The following IL18BP variants were observed in gnomAD, a reference collection of about 807,000 sequenced individuals.
The protein encoded by IL18BP is interleukin-18-binding protein.
In IL18BP, 23 loss-of-function variants were observed where a neutral mutation model predicts 19.9. The ratio of observed to expected loss-of-function variants is 1.15; its 90% CI spans 0.83 to 1.64. IL18BP has a LOEUF of 1.64. IL18BP is among the 40% of genes most tolerant of loss of function. The probability of loss-of-function intolerance (pLI) is 0.00; values close to 1 mark genes in which losing one functional copy is unlikely to be tolerated. For synonymous variants in IL18BP, 107 were observed against 101.0 expected (o/e 1.06, Z -0.35); for missense variants, 239 against 240.7 (o/e 0.99, Z 0.05).
downstream of IL18BP, chr11:72,006,365 A>C: frequency 1.1e-6 from 1 of 942,576 alleles, no homozygotes; most frequent in African/African-American, 1.6e-5. Context: ...ACATCCATGT[A>C]TTCCCAACTG....
At chr11:72,005,509 T>C (rs1678666235), downstream of IL18BP, 5 of 745,146 alleles carry the variant, frequency 6.7e-6, no homozygotes, top group Non-Finnish European at 1.1e-5. Context: ...GTGCCGCAGG[T>C]GCAGGAGTAC....
downstream of IL18BP, chr11:72,005,274 A>G: frequency 6.2e-7 from 1 of 1,609,128 alleles, no homozygotes; most frequent in Non-Finnish European, 8.5e-7. Flanking sequence ...TGTGGGGGGC[A>G]CACTCGATTG....
At chr11:72,000,580 G>T in intron 3 of IL18BP, 23 bp downstream of exon 3, 1 of 1,597,068 alleles carries the variant, frequency 6.3e-7, no homozygotes, top group South Asian at 1.1e-5. Flanking sequence ...GTGGTGGAGG[G>T]TGGGCTATGG....
downstream of IL18BP, chr11:72,004,719 G>C (rs1265057835): frequency 6.2e-7 from 1 of 1,613,582 alleles, no homozygotes; most frequent in African/African-American, 1.3e-5. Flanking sequence ...AGTGCCCTCG[G>C]CTATCTGGAT....
At chr11:72,003,348 G>C, downstream of IL18BP, 2 of 655,414 alleles carry the variant, frequency 3.1e-6, no homozygotes, top group Non-Finnish European at 5.5e-6. Flanking sequence ...CCAGCTCCGA[G>C]AAGGCGCCAG....
At chr11:72,004,751 C>A, downstream of IL18BP, 1 of 1,610,548 alleles carries the variant, frequency 6.2e-7, no homozygotes, top group East Asian at 2.2e-5. Context: ...TGGCTCGGCG[C>A]AGGGTCTCTT....
rs1168651872 is a variant in IL18BP, at chr11:72,001,385, T to G, written c.360-20T>G. ...GCCTTCTGCGGCCTTCTCATGACCT[T>G]TCCTTCCCTTCCGCTCCAGCCGGGA... On this transcript the variant is annotated intron_variant, in intron 4 of 5. Coordinates refer to ENST00000393703, the MANE Select transcript of IL18BP (RefSeq NM_001039660.2). 1.2e-6 allele frequency: 2 copies of G among 1,614,020 alleles called. No homozygotes were observed. Among genetic ancestry groups the G allele is most frequent in the South Asian group, 1.1e-5 (1 of 91,082 alleles).
rs778697893 is a variant in IL18BP, at chr11:72,000,359, C to G, written c.37C>G (p.Pro13Ala). The G allele has an allele frequency of 5.0e-6, 8 of 1,613,734 alleles. No homozygotes were observed. In the East Asian group the frequency reaches 1.8e-4, roughly 36 times the overall value. ...MRHNWTPDLS[P>A]LWVLLLCAHV... ...AACTGTCCTTTCCTCAGACCTCAGC[C>G]CTTTGTGGGTCCTGCTCCTGTGTGC... The change falls in exon 3 of 6, where the codon CCT becomes GCT. Residue 13 changes from proline to alanine, a missense_variant. Transcript: ENST00000393703.
chr11:72,005,027 TC>T (rs1208632166), downstream of IL18BP, among the ~76,000 whole-genome samples: 1 of 152,098 alleles, frequency 6.6e-6, no homozygotes, highest in Non-Finnish European at 1.5e-5. Flanking sequence ...CTGACCAGAT[TC>T]CTCTCTGAGC....
At chr11:72,004,950 A>T, downstream of IL18BP, 1 of 922,072 alleles carries the variant, frequency 1.1e-6, no homozygotes, top group Non-Finnish European at 1.6e-6. Context: ...GTAGAAAGAC[A>T]CAAGGCCTCC....
chr11:72,006,212 G>A (rs367629814), downstream of IL18BP: 20 of 1,614,154 alleles, frequency 1.2e-5, no homozygotes, highest in Middle Eastern at 1.7e-4. Context: ...GGAGCAGACC[G>A]CGTGCTGTAG....
downstream of IL18BP, among the ~76,000 whole-genome samples, chr11:72,006,881 A>G (rs1362546488): frequency 2.0e-5 from 3 of 152,234 alleles, no homozygotes; most frequent in African/African-American, 7.2e-5. Flanking sequence ...TGCATGGGGC[A>G]TGCTGGGAGG....
downstream of IL18BP, chr11:72,005,211 G>A: frequency 1.9e-6 from 3 of 1,572,904 alleles, no homozygotes; most frequent in Admixed American, 1.9e-5. Flanking sequence ...GGGAGGCCCT[G>A]CACAGTGACC....
chr11:72,005,081 G>T, downstream of IL18BP: 2 of 951,022 alleles, frequency 2.1e-6, no homozygotes, highest in Non-Finnish European at 3.0e-6. Flanking sequence ...TGCCCTCCCA[G>T]CTGTCTGTTC....
Position 72,000,239 on chromosome 11 carries a change from C to CCG in IL18BP, c.29-110_29-109dup, listed in dbSNP as rs1955138731. Reference sequence around the variant, plus strand: ...GGTGGGTGCTGAGGGGTCCCTCTTCCCGCTCTGATTCCCTGGCTAGAACCC... The same window carrying CCG: ...GGTGGGTGCTGAGGGGTCCCTCTTCCCGCGCTCTGATTCCCTGGCTAGAACCC... On this transcript the variant is annotated intron_variant, in intron 2 of 5. Coordinates refer to ENST00000393703, the MANE Select transcript of IL18BP (RefSeq NM_001039660.2). 5.8e-6 allele frequency: 6 copies of CCG among 1,042,830 alleles called. No individual in the cohort carries two copies. The Admixed American group carries it at 1.1e-4, about 18-fold the overall frequency. The allele number at this position is 1,042,830 out of a possible 1,614,324, so 64.6% of individuals were successfully genotyped here.
At chr11:72,003,189 A>C (rs1955378757), downstream of IL18BP, 2 of 390,750 alleles carry the variant, frequency 5.1e-6, no homozygotes, top group African/African-American at 4.0e-5. Flanking sequence ...CTAGATCCAG[A>C]GGCTAAGAGG....
intron 3 of IL18BP, 30 bp downstream of exon 3, chr11:72,000,587 A>G (rs751536450): frequency 1.1e-5 from 18 of 1,588,616 alleles, no homozygotes; most frequent in Middle Eastern, 3.4e-4. Flanking sequence ...AGGGTGGGCT[A>G]TGGGCACAGA....
chr11:72,003,742 G>T, downstream of IL18BP: 1 of 1,007,654 alleles, frequency 9.9e-7, no homozygotes, highest in Non-Finnish European at 1.5e-6. Flanking sequence ...TCCTTGGAGA[G>T]GAGCTACCAG....
chr11:72,000,645 A>G (rs1484449656), intron 3 of IL18BP, 88 bp downstream of exon 3: 10 of 1,105,946 alleles, frequency 9.0e-6, no homozygotes, highest in Non-Finnish European at 1.2e-5. Context: ...CCTTCTGCCC[A>G]TGTACCACCA....
Sources: gnomAD v4.1 joint callset for allele counts (sites outside exome capture counted in the v4.1 genomes callset) on GRCh38, gnomAD v4.1.1 for gene constraint, MANE v1.5 for transcripts, NCBI Gene and HGNC (gene_info 2026-07-23, HGNC 2026-07-21) for gene names.